Variants in BRD1 observed in about 807,000 individuals in gnomAD.
BRD1 encodes the protein bromodomain containing 1.
Under a neutral mutation model 107.7 loss-of-function variants are expected in BRD1, and 24 were observed. The observed-to-expected ratio is 0.22, with a 90% CI of 0.16 to 0.31. The LOEUF (loss-of-function observed/expected upper bound fraction) is 0.31, where lower values mean the gene tolerates loss of function less well. Ranked by LOEUF, BRD1 falls within the 10% of genes least tolerant of loss-of-function variation. The pLI, the probability that BRD1 is intolerant of heterozygous loss-of-function variation, is 1.00. For synonymous variants in BRD1, 744 were observed against 686.1 expected (o/e 1.08, Z -1.32); for missense variants, 1,279 against 1,638.6 (o/e 0.78, Z 3.79).
chr22:49,791,544 C>G lies in BRD1; in HGVS notation c.2359+2490G>C, dbSNP rs138845. Among the ~76,000 whole-genome samples the G allele has an allele frequency of 2.6e-5, 4 of 152,074 alleles. No homozygotes were observed. The South Asian group carries it at 8.3e-4, about 31-fold the overall frequency. ...GATGGAGAGGCTTTACTGATGAGAA[C>G]GTTCATGCTGGGTTTTTAAATGTCT... On this transcript the variant is annotated intron_variant, in intron 7 of 12. Coordinates refer to ENST00000404760, the MANE Select transcript of BRD1 (RefSeq NM_001304808.3).
At chr22:49,811,730 C>T (rs1321829845) in intron 2 of BRD1, among the ~76,000 whole-genome samples, 3 of 152,210 alleles carry the variant, frequency 2.0e-5, no homozygotes, top group Non-Finnish European at 2.9e-5. Context: ...GAAAGCAAAA[C>T]CACAGGTAAG....
chr22:49,804,620 G>A (rs1026758890), intron 2 of BRD1, among the ~76,000 whole-genome samples: 2 of 152,148 alleles, frequency 1.3e-5, no homozygotes, highest in South Asian at 4.1e-4. Context: ...AGGCCGAGGT[G>A]GGGGGATCCC....
chr22:49,783,723 G>C lies in BRD1; in HGVS notation c.2857+3667C>G, dbSNP rs972494988. Among the ~76,000 whole-genome samples the C allele has an allele frequency of 6.6e-6, 1 of 152,158 alleles. No individual in the cohort carries two copies. The highest frequency in any genetic ancestry group is 1.9e-4 in the East Asian group (1 of 5,170). ...GGGCGCCAGCACCATTCCCACTGCC[G>C]GGCTCTGACTTACAGAGGGGGTGGG... On this transcript the variant is annotated intron_variant, in intron 8 of 12. Transcript: ENST00000404760. This position sits in a 1 kb window ranked among gnomAD's most constrained non-coding sequence, Gnocchi z 4.2.
At chr22:49,801,544 T>C (rs11913210) in intron 3 of BRD1, among the ~76,000 whole-genome samples, 18,721 of 152,222 alleles carry the variant, frequency 0.12, 1,742 homozygotes, top group African/African-American at 0.25. Flanking sequence ...TCTCTCCCAA[T>C]AGCCCGTTCA....
At chr22:49,807,752 C>T (rs1444900683) in intron 2 of BRD1, among the ~76,000 whole-genome samples, 1 of 152,148 alleles carries the variant, frequency 6.6e-6, no homozygotes, top group East Asian at 1.9e-4. Context: ...AAAAAATAAA[C>T]TGGGCTTCAT....
At chr22:49,791,481 T>C (rs2059433095) in intron 7 of BRD1, among the ~76,000 whole-genome samples, 1 of 152,234 alleles carries the variant, frequency 6.6e-6, no homozygotes, top group South Asian at 2.1e-4. Context: ...ATTACTCTTT[T>C]CAGGTGTGAA....
At chr22:49,816,854 ACT>A (rs774197020) in intron 2 of BRD1, among the ~76,000 whole-genome samples, 30 of 151,984 alleles carry the variant, frequency 2.0e-4, no homozygotes, top group Non-Finnish European at 3.4e-4. Context: ...GTAAACAGAC[ACT>A]CTCTGGACTG....
At position 49,804,275 on chromosome 22, in the gene BRD1, G is replaced by A. The variant is rs777797073; in HGVS notation, c.1453C>T (p.Leu485=). 1 of 1,610,168 alleles carries A rather than the reference G, an allele frequency of 6.2e-7. No homozygotes were observed. The highest frequency in any genetic ancestry group is 1.7e-5 in the Admixed American group (1 of 59,486). The part of the protein sequence containing the change: ...RAHSYWLLKR[L]SRNGAPLLRR... ...AGCAGGGGGGCCCCGTTCCTGGACA[G>A]CCGCTTGAGCAGCCAGTAGCTGTGG... Residue 485 remains leucine (L), a synonymous_variant, in exon 3 of 13, where the codon CTG becomes TTG. Transcript: ENST00000404760.
intron 3 of BRD1, 56 bp downstream of exon 3, chr22:49,804,148 C>G (rs1054388342): frequency 2.7e-6 from 4 of 1,482,610 alleles, no homozygotes; most frequent in African/African-American, 2.8e-5. Flanking sequence ...GTGCCCTCTC[C>G]CTGGAGGGTG....
In BRD1 at chr22:49,804,259, G is replaced by A. The variant is rs781782274; in HGVS notation, c.1469C>T (p.Ala490Val). Residue 490 changes from alanine to valine, a missense_variant, in exon 3 of 13, where the codon GCC becomes GTC. Ala to Val is a moderately conservative substitution (Grantham distance 64). Coordinates refer to ENST00000404760, the MANE Select transcript of BRD1 (RefSeq NM_001304808.3). Reference protein sequence around the residue: ...WLLKRLSRNGAPLLRRLQSSL... With the variant: ...WLLKRLSRNGVPLLRRLQSSL... ...GGACTGCAGCCGCCGCAGCAGGGGG[G>A]CCCCGTTCCTGGACAGCCGCTTGAG... The A allele has an allele frequency of 1.1e-5, 17 of 1,609,396 alleles. No individual in the cohort carries two copies. Among genetic ancestry groups the A allele is most frequent in the South Asian group, 2.2e-5 (2 of 89,952 alleles).
rs1210715357 is a variant in BRD1, at chr22:49,827,704, C to T, written c.-222G>A. 2.1e-5 allele frequency among the ~76,000 whole-genome samples: 3 copies of T among 144,662 alleles called. No homozygotes were observed. Among genetic ancestry groups the T allele is most frequent in the African/African-American group, 7.4e-5 (3 of 40,332 alleles). 94.9% of individuals were successfully genotyped at this position (144,662 alleles called of 152,430 possible). On this transcript the variant is annotated 5_prime_UTR_variant, in exon 1 of 13. Transcript: ENST00000404760. Reference sequence around the variant, plus strand: ...GCGGACTCTCGGGCAGCGGCTCGCGCGGCGCGGGCTCGGGCTCGGGGCCCA... The same window carrying T: ...GCGGACTCTCGGGCAGCGGCTCGCGTGGCGCGGGCTCGGGCTCGGGGCCCA...
intron 8 of BRD1, among the ~76,000 whole-genome samples, chr22:49,785,970 G>A (rs1017641281): frequency 6.6e-6 from 1 of 152,192 alleles, no homozygotes; most frequent in African/African-American, 2.4e-5. Flanking sequence ...GGCCTGGGCA[G>A]GTCTTGCCCA....
At chr22:49,808,927 GC>G (rs1472109677) in intron 2 of BRD1, among the ~76,000 whole-genome samples, 1 of 151,934 alleles carries the variant, frequency 6.6e-6, no homozygotes, top group African/African-American at 2.4e-5. Context: ...GACCAGCCTG[GC>G]CAACATGGTG....
In BRD1 at chr22:49,787,818, G is replaced by C; in HGVS notation, c.2429C>G (p.Ser810Ter). Residue 810 changes from serine (S) to a stop codon, truncating the protein, a stop_gained, in exon 8 of 13, where the codon TCA (serine) becomes TGA (stop). Coordinates refer to ENST00000404760, the MANE Select transcript of BRD1 (RefSeq NM_001304808.3). LOFTEE classifies it high-confidence loss of function. ...LPLPSNSETN[S>*]EPPTLKPVEL... ...TACTGGTTTGAGGGTTGGTGGTTCT[G>C]AATTAGTCTCCGAGTTTGAAGGAAG... 1 of 1,550,786 alleles carries C rather than the reference G, an allele frequency of 6.4e-7. No homozygotes were observed. The highest frequency in any genetic ancestry group is 8.7e-7 in the Non-Finnish European group (1 of 1,147,002).
At chr22:49,814,570 C>G (rs2059914874) in intron 2 of BRD1, among the ~76,000 whole-genome samples, 1 of 152,220 alleles carries the variant, frequency 6.6e-6, no homozygotes, top group African/African-American at 2.4e-5. Context: ...GAGGACGCAG[C>G]CCCAGCAACA....
rs1013197331 is a variant in BRD1, at chr22:49,827,261, C to G, written c.-15+236G>C. On this transcript the variant is annotated intron_variant, in intron 1 of 12. Coordinates refer to ENST00000404760, the MANE Select transcript of BRD1 (RefSeq NM_001304808.3). ...ACCCGGTCTCCCCGCCCGGCCTCCC[C>G]GTCTTCCCGCCCGTCTCCCCGGCCG... Among the ~76,000 whole-genome samples, 4 of 149,926 alleles carry G rather than the reference C, an allele frequency of 2.7e-5. No individual in the cohort carries two copies. In the East Asian group the frequency reaches 7.9e-4, roughly 29 times the overall value.
At chr22:49,788,353 A>G (rs2059368724) in intron 7 of BRD1, among the ~76,000 whole-genome samples, 1 of 152,132 alleles carries the variant, frequency 6.6e-6, no homozygotes, top group African/African-American at 2.4e-5. Context: ...TAAGTCAAAA[A>G]TGCAAAAACA....
chr22:49,799,081 C>T lies in BRD1; in HGVS notation c.1563G>A (p.Lys521=). 1 of 1,610,524 alleles carries T rather than the reference C, an allele frequency of 6.2e-7. No individual in the cohort carries two copies. Among genetic ancestry groups the T allele is most frequent in the Non-Finnish European group, 8.5e-7 (1 of 1,179,970 alleles). The change falls in exon 4 of 13, where the codon AAG becomes AAA. Residue 521 remains lysine (K), a synonymous_variant. Transcript: ENST00000404760. ...GCCGCAGCCGCTGCCAGTACTTCAG[C>T]TTCTCTTTGGCAGCCTTCATCTCCT... is the stretch of plus-strand genomic sequence containing the variant. ...NDEEMKAAKE[K]LKYWQRLRHD...
rs2059034271 is a variant in BRD1 at position 49,774,070 on chromosome 22, A to C, written c.*163T>G. The C allele has an allele frequency of 3.0e-6, 3 of 985,692 alleles. No homozygotes were observed. The Admixed American group carries it at 8.3e-5, about 27-fold the overall frequency. The allele number at this position is 985,692 out of a possible 1,614,324, so 61.1% of individuals were successfully genotyped here. On this transcript the variant is annotated 3_prime_UTR_variant, in exon 13 of 13. Coordinates refer to ENST00000404760, the MANE Select transcript of BRD1 (RefSeq NM_001304808.3). Reference sequence around the variant, plus strand: ...CACCCCACTCACAGCGCCCAGACGGAGATGGGTTCCTAGAAAACTTGGAAA... The same window carrying C: ...CACCCCACTCACAGCGCCCAGACGGCGATGGGTTCCTAGAAAACTTGGAAA...
Sources: gnomAD v4.1 joint callset for allele counts (sites outside exome capture counted in the v4.1 genomes callset) on GRCh38, gnomAD v4.1.1 for gene constraint, Gnocchi (gnomAD v3.1) non-coding constraint, MANE v1.5 for transcripts, NCBI Gene and HGNC (gene_info 2026-07-23, HGNC 2026-07-21) for gene names.